Variants in HAO1 observed in about 807,000 individuals in gnomAD.
HAO1 encodes the protein hydroxyacid oxidase 1, also known as 2-Hydroxyacid oxidase 1.
Under a neutral mutation model 39.7 loss-of-function variants are expected in HAO1, and 34 were observed. The ratio of observed to expected loss-of-function variants is 0.86; its 90% CI spans 0.65 to 1.14. The LOEUF (loss-of-function observed/expected upper bound fraction) is 1.14. Ranked by LOEUF, HAO1 falls within the 50% of genes most tolerant of loss-of-function variation. The probability of loss-of-function intolerance (pLI) is 0.00; values close to 1 mark genes in which losing one functional copy is unlikely to be tolerated. For missense variants in HAO1, 479 were observed against 464.5 expected (o/e 1.03, Z -0.29); for synonymous variants, 172 against 173.2 (o/e 0.99, Z 0.05).
chr20:7,890,761 T>C (rs2050170829), intron 5 of HAO1, among the ~76,000 whole-genome samples: 1 of 152,144 alleles, frequency 6.6e-6, no homozygotes, highest in Non-Finnish European at 1.5e-5. Context: ...TGCAACCTCA[T>C]AGCTTAGCTC....
At chr20:7,895,794 T>A (rs2050194707) in intron 4 of HAO1, among the ~76,000 whole-genome samples, 1 of 152,174 alleles carries the variant, frequency 6.6e-6, no homozygotes, top group Non-Finnish European at 1.5e-5. Context: ...ATGCCTGTAA[T>A]CACAGCACTT....
chr20:7,899,976 A>C (rs2122761451), intron 4 of HAO1, among the ~76,000 whole-genome samples: 1 of 152,176 alleles, frequency 6.6e-6, no homozygotes, highest in Admixed American at 6.6e-5. Context: ...ACAAGGTATA[A>C]AAGTGAAAAA....
At chr20:7,927,952 G>T (rs2050367082) in intron 2 of HAO1, among the ~76,000 whole-genome samples, 1 of 152,146 alleles carries the variant, frequency 6.6e-6, no homozygotes, top group African/African-American at 2.4e-5. Flanking sequence ...TCAGGGTTTT[G>T]CACTCACATA....
rs2050135547 is a variant in HAO1, at chr20:7,883,295, A to G, written c.*298T>C. 5.0e-6 allele frequency: 2 copies of G among 399,214 alleles called. No individual in the cohort carries two copies. The highest frequency in any genetic ancestry group is 9.2e-6 in the Non-Finnish European group (2 of 216,544). 24.7% of individuals were successfully genotyped at this position (399,214 alleles called of 1,614,324 possible). A position where few individuals can be genotyped will look rare whatever the true frequency, so the allele number is the denominator to read the frequency against. On this transcript the variant is annotated 3_prime_UTR_variant, in exon 8 of 8. Coordinates refer to ENST00000378789, the MANE Select transcript of HAO1 (RefSeq NM_017545.3). Reference sequence around the variant, plus strand: ...TTGCTACCTCCAATTTTACTAAAGGATACAGCACTTTAGCCTGCCAGGGGA... The same window carrying G: ...TTGCTACCTCCAATTTTACTAAAGGGTACAGCACTTTAGCCTGCCAGGGGA...
chr20:7,923,270 A>C (rs1260164646), intron 2 of HAO1, among the ~76,000 whole-genome samples: 1 of 152,206 alleles, frequency 6.6e-6, no homozygotes, highest in African/African-American at 2.4e-5. Context: ...AAAAACTGGC[A>C]GTGTTCTCCC....
At chr20:7,897,916 G>A (rs565891900) in intron 4 of HAO1, among the ~76,000 whole-genome samples, 3 of 150,194 alleles carry the variant, frequency 2.0e-5, no homozygotes, top group Admixed American at 6.7e-5. Context: ...CTTGTCTGGA[G>A]TGGAAATTCT....
intron 2 of HAO1, among the ~76,000 whole-genome samples, chr20:7,924,918 T>C (rs943284735): frequency 6.6e-5 from 10 of 152,124 alleles, no homozygotes; most frequent in Non-Finnish European, 1.3e-4. Flanking sequence ...AGTCATTACG[T>C]AATGGGGAAA....
Position 7,885,531 on chromosome 20 carries a change from C to T in HAO1, c.1032G>A (p.Met344Ile), listed in dbSNP as rs2050146781. 1 of 1,607,716 alleles carries T rather than the reference C, an allele frequency of 6.2e-7. No homozygotes were observed. The highest frequency in any genetic ancestry group is 1.1e-5 in the South Asian group (1 of 90,954). ...EILKEEFRLAMALSGCQNVKV... is the reference protein window; with the variant it reads ...EILKEEFRLAIALSGCQNVKV... ...AAGAATGAGTCTTACCACTCAGAGCCATGGCCAACCGGAATTCTTCCTTTA... is the reference window on the plus strand; with the variant it reads ...AAGAATGAGTCTTACCACTCAGAGCTATGGCCAACCGGAATTCTTCCTTTA... The change falls in exon 7 of 8, where the codon ATG becomes ATA. Residue 344 changes from methionine to isoleucine, a missense_variant. Met to Ile is a conservative substitution (Grantham distance 10). Coordinates refer to ENST00000378789, the MANE Select transcript of HAO1 (RefSeq NM_017545.3).
intron 4 of HAO1, among the ~76,000 whole-genome samples, chr20:7,899,540 A>T (rs2050212093): frequency 6.6e-6 from 1 of 152,132 alleles, no homozygotes; most frequent in Non-Finnish European, 1.5e-5. Context: ...ACAGTCTGTT[A>T]TCTGCCATCA....
intron 4 of HAO1, among the ~76,000 whole-genome samples, chr20:7,904,402 G>A (rs2294302): frequency 6.6e-6 from 1 of 152,186 alleles, no homozygotes; most frequent in Non-Finnish European, 1.5e-5. Flanking sequence ...AGACACTTCA[G>A]TGGTTCTCAG....
chr20:7,888,826 A>T (rs1269407387), intron 5 of HAO1, among the ~76,000 whole-genome samples: 2 of 152,232 alleles, frequency 1.3e-5, no homozygotes, highest in East Asian at 3.8e-4. Flanking sequence ...GAGAGAAGTG[A>T]CAGGATGCCC....
At chr20:7,890,396 T>G (rs2050169087) in intron 5 of HAO1, among the ~76,000 whole-genome samples, 1 of 152,088 alleles carries the variant, frequency 6.6e-6, no homozygotes, top group South Asian at 2.1e-4. Context: ...GTGTATTTAG[T>G]AGAAGCAGTG....
chr20:7,923,826 G>A (rs967203790), intron 2 of HAO1, among the ~76,000 whole-genome samples: 2 of 152,126 alleles, frequency 1.3e-5, no homozygotes, highest in African/African-American at 4.8e-5. Context: ...ATGTTCCAAG[G>A]ACCATACTTT....
At chr20:7,883,992 G>A (rs2050139634) in intron 7 of HAO1, among the ~76,000 whole-genome samples, 2 of 152,266 alleles carry the variant, frequency 1.3e-5, no homozygotes, top group South Asian at 4.1e-4. Context: ...TTCTTGTTGA[G>A]GCTCTGTCTG....
chr20:7,883,710 A>T (rs746763663), intron 7 of HAO1, 47 bp from the exon 8 acceptor site: 1 of 1,283,478 alleles, frequency 7.8e-7, no homozygotes, highest in Non-Finnish European at 1.1e-6. Context: ...TGCAATAATA[A>T]TCAGGCAGGT....
At chr20:7,930,443 T>G (rs1379852986) in intron 2 of HAO1, among the ~76,000 whole-genome samples, 2 of 152,186 alleles carry the variant, frequency 1.3e-5, no homozygotes, top group African/African-American at 4.8e-5. Flanking sequence ...GTTACTTAAA[T>G]TTGCCTGTGG....
chr20:7,892,646 A>G (rs924506347), intron 5 of HAO1, among the ~76,000 whole-genome samples: 7 of 152,166 alleles, frequency 4.6e-5, no homozygotes, highest in African/African-American at 1.7e-4. Flanking sequence ...AACCATCTAT[A>G]TAATAACTAC....
At chr20:7,914,130 C>T (rs140974881) in intron 3 of HAO1, 34 bp downstream of exon 3, 27 of 1,609,340 alleles carry the variant, frequency 1.7e-5, no homozygotes, top group East Asian at 4.5e-5. Flanking sequence ...AGATCCCTTT[C>T]GCCTCAGCTC....
intron 5 of HAO1, among the ~76,000 whole-genome samples, chr20:7,890,770 T>G (rs1057081581): frequency 3.3e-5 from 5 of 152,138 alleles, no homozygotes; most frequent in Admixed American, 6.6e-5. Context: ...ATAGCTTAGC[T>G]CCCACATATC....
Sources: allele counts gnomAD v4.1 joint callset (sites outside exome capture counted in the v4.1 genomes callset), GRCh38; gene constraint gnomAD v4.1.1; transcripts MANE v1.5; gene names NCBI Gene and HGNC (gene_info 2026-07-23, HGNC 2026-07-21).